PRAMEF20: variants seen among roughly 807,000 people sequenced by gnomAD.
The protein encoded by PRAMEF20 is PRAME family member 20.
In PRAMEF20, 27 loss-of-function variants were observed where a neutral mutation model predicts 32.4. The ratio of observed to expected loss-of-function variants is 0.83; its 90% CI spans 0.61 to 1.15. The LOEUF is 1.15. Ranked by LOEUF, PRAMEF20 falls within the 50% of genes most tolerant of loss-of-function variation. PRAMEF20 has a pLI of 0.00. For missense variants in PRAMEF20, 604 were observed against 584.5 expected (o/e 1.03, Z -0.34); for synonymous variants, 256 against 235.4 (o/e 1.09, Z -0.80).
chr1:13,418,421 G>A (rs1178711379), exon 2 of PRAMEF20: 3 of 1,613,926 alleles, frequency 1.9e-6, no homozygotes, highest in East Asian at 2.2e-5. Flanking sequence ...CACAATATCA[G>A]AAACATCCTG....
chr1:13,414,864 A>G (rs1040961672), upstream of PRAMEF20, among the ~76,000 whole-genome samples: 2 of 152,216 alleles, frequency 1.3e-5, no homozygotes, highest in Non-Finnish European at 2.9e-5. Flanking sequence ...GAGTGGCTCA[A>G]TCTCAGCTCA....
At chr1:13,418,069 C>T in intron 1 of PRAMEF20, 53 bp from the exon 3 acceptor site, 2 of 1,609,696 alleles carry the variant, frequency 1.2e-6, no homozygotes, top group African/African-American at 1.3e-5. Flanking sequence ...CCACTGAGCC[C>T]AGCCTCAGAA....
exon 3 of PRAMEF20, chr1:13,421,103 G>T: frequency 6.2e-7 from 1 of 1,612,424 alleles, no homozygotes; most frequent in Non-Finnish European, 8.5e-7. Flanking sequence ...TCGTGGTATC[G>T]TCTGCCGGAG....
chr1:13,416,386 A>T (rs950805177), exon 1 of PRAMEF20: 8 of 1,613,230 alleles, frequency 5.0e-6, no homozygotes, highest in Non-Finnish European at 5.9e-6. Flanking sequence ...AGACTCCTGG[A>T]GCTGGCGGGG....
chr1:13,410,949 C>T, the PRAMEF20 span, among the ~76,000 whole-genome samples: 1 of 152,012 alleles, frequency 6.6e-6, no homozygotes, highest in Non-Finnish European at 1.5e-5. Context: ...CCTCCGCCTC[C>T]CAGGCTCAAG....
In PRAMEF20 at chr1:13,420,648, ACTCACCC is replaced by A. The variant is rs1641231851; in HGVS notation, c.867-46_867-40del. ...TTGAAGTCATTCCCTACCACCCTCC[ACTCACCC>A]CTACGATTCCCCAGAACTAACTTCC... On this transcript the variant is annotated intron_variant, in intron 2 of 2. Coordinates refer to ENST00000602960, the Ensembl canonical transcript of PRAMEF20. 3.1e-6 allele frequency: 5 copies of A among 1,611,778 alleles called. No individual in the cohort carries two copies. In the East Asian group the frequency reaches 1.1e-4, roughly 36 times the overall value.
upstream of PRAMEF20, among the ~76,000 whole-genome samples, chr1:13,411,460 A>G (rs540252730): frequency 2.6e-5 from 4 of 152,312 alleles, no homozygotes; most frequent in South Asian, 8.3e-4. Flanking sequence ...AAGTCTCTAC[A>G]TGCTAGCATC....
chr1:13,416,549 T>A, exon 1 of PRAMEF20: 2 of 1,614,138 alleles, frequency 1.2e-6, no homozygotes, highest in Non-Finnish European at 1.7e-6. Flanking sequence ...TCCGCCTTCC[T>A]CTGGGGTCTC....
At chr1:13,421,152 T>C in exon 3 of PRAMEF20, 1 of 1,613,656 alleles carries the variant, frequency 6.2e-7, no homozygotes, top group Non-Finnish European at 8.5e-7. Flanking sequence ...ATGGGGAGAG[T>C]GAGGGCCTTA....
intron 2 of PRAMEF20, among the ~76,000 whole-genome samples, chr1:13,419,693 G>A (rs1641221242): frequency 6.6e-6 from 1 of 151,958 alleles, no homozygotes; most frequent in African/African-American, 2.4e-5. Flanking sequence ...CAAAATGCTG[G>A]GATTACAGGT....
chr1:13,413,230 C>T (rs1447157378), upstream of PRAMEF20, among the ~76,000 whole-genome samples: 1 of 152,062 alleles, frequency 6.6e-6, no homozygotes, highest in Non-Finnish European at 1.5e-5. Context: ...GGACTTTCAC[C>T]CTATACCTAA....
upstream of PRAMEF20, among the ~76,000 whole-genome samples, chr1:13,414,208 A>ATTTT (rs149194621): frequency 5.7e-5 from 7 of 123,260 alleles, no homozygotes; most frequent in Non-Finnish European, 8.2e-5. Context: ...CACCTGACTA[A>ATTTT]TTTTTTTTTT....
intron 2 of PRAMEF20, among the ~76,000 whole-genome samples, chr1:13,419,816 T>G (rs1008387561): frequency 2.7e-3 from 414 of 151,492 alleles, no homozygotes; most frequent in Non-Finnish European, 3.7e-3. Context: ...ACATGTCAGA[T>G]TATGAGCTCT....
exon 2 of PRAMEF20, chr1:13,418,229 G>A (rs1641203775): frequency 2.5e-6 from 4 of 1,613,808 alleles, no homozygotes; most frequent in Non-Finnish European, 3.4e-6. Context: ...ATGATGAACA[G>A]AAAACCACTG....
chr1:13,417,493 C>G (rs1206397139), intron 1 of PRAMEF20, among the ~76,000 whole-genome samples: 2 of 151,304 alleles, frequency 1.3e-5, no homozygotes, highest in Non-Finnish European at 2.9e-5. Context: ...ATCCCAGCTA[C>G]TTGGGAGGCT....
At chr1:13,416,210 A>T, upstream of PRAMEF20, 1 of 1,458,926 alleles carries the variant, frequency 6.9e-7, no homozygotes. Context: ...AGTACAGAGT[A>T]GAATTGGAGT....
upstream of PRAMEF20, among the ~76,000 whole-genome samples, chr1:13,414,205 CTAAT>C (rs1641139531): frequency 7.8e-6 from 1 of 128,848 alleles, no homozygotes; most frequent in African/African-American, 3.2e-5. Flanking sequence ...TCACACCTGA[CTAAT>C]TTTTTTTTTT....
chr1:13,419,243 T>A (rs1641216547), intron 2 of PRAMEF20, among the ~76,000 whole-genome samples: 1 of 152,188 alleles, frequency 6.6e-6, no homozygotes, highest in Admixed American at 6.6e-5. Context: ...AACCTCTGCC[T>A]CCTGGGTTCA....
intron 2 of PRAMEF20, 30 bp from the exon 4 acceptor site, chr1:13,420,667 C>T: frequency 6.2e-7 from 1 of 1,613,776 alleles, no homozygotes; most frequent in South Asian, 1.1e-5. Context: ...TACGATTCCC[C>T]AGAACTAACT....
Sources: allele counts gnomAD v4.1 joint callset (sites outside exome capture counted in the v4.1 genomes callset), GRCh38; gene constraint gnomAD v4.1.1; transcripts MANE v1.5; gene names NCBI Gene and HGNC (gene_info 2026-07-23, HGNC 2026-07-21).